Variants in MAF observed in about 807,000 individuals in gnomAD.
MAF encodes transcription factor Maf.
Under a neutral mutation model 22.0 loss-of-function variants are expected in MAF, and 10 were observed. That is an observed-to-expected ratio of 0.45 (90% CI 0.28 to 0.77). MAF has a LOEUF of 0.77. Ranked by LOEUF, MAF falls within the 30% of genes least tolerant of loss-of-function variation. The pLI is 0.12. For synonymous variants in MAF, 337 were observed against 255.8 expected (o/e 1.32, Z -3.03); for missense variants, 544 against 548.4 (o/e 0.99, Z 0.08).
chr16:79,598,726 G>T (rs1460884260), intron 1 of MAF, 59 bp downstream of exon 1: 3 of 1,609,894 alleles, frequency 1.9e-6, no homozygotes, highest in Non-Finnish European at 2.5e-6. Flanking sequence ...CCACACCCGA[G>T]CCGGACCCCC....
chr16:79,435,936 C>A, the MAF span, among the ~76,000 whole-genome samples: 1 of 152,162 alleles, frequency 6.6e-6, no homozygotes, highest in African/African-American at 2.4e-5. Flanking sequence ...TTGGAAAATT[C>A]ATTAGCAAGA....
the MAF span, among the ~76,000 whole-genome samples, chr16:79,470,555 G>C: frequency 6.6e-6 from 1 of 152,178 alleles, no homozygotes; most frequent in Non-Finnish European, 1.5e-5. Flanking sequence ...CTAAACAACA[G>C]CAGCCAACTC....
chr16:79,536,051 T>C, the MAF span, among the ~76,000 whole-genome samples: 2 of 152,202 alleles, frequency 1.3e-5, no homozygotes, highest in African/African-American at 2.4e-5. Context: ...ATGCAGACAA[T>C]AGGTGCTCAG....
the MAF span, among the ~76,000 whole-genome samples, chr16:79,371,745 C>A: frequency 3.3e-5 from 5 of 152,196 alleles, no homozygotes; most frequent in Admixed American, 6.5e-5. Context: ...ACCCAGGAAA[C>A]CCCTGTGCTT....
At chr16:79,520,155 G>A in the MAF span, among the ~76,000 whole-genome samples, 3 of 152,206 alleles carry the variant, frequency 2.0e-5, no homozygotes, top group Non-Finnish European at 4.4e-5. Context: ...CTCTGCTTCT[G>A]ACATCCCCTC....
chr16:79,463,238 C>T, the MAF span, among the ~76,000 whole-genome samples: 2 of 152,174 alleles, frequency 1.3e-5, no homozygotes, highest in African/African-American at 4.8e-5. Flanking sequence ...CACATAGAGC[C>T]ATGAAAGCTA....
chr16:79,401,012 G>A, the MAF span, among the ~76,000 whole-genome samples: 4 of 152,170 alleles, frequency 2.6e-5, no homozygotes, highest in African/African-American at 9.7e-5. Flanking sequence ...GACTCTGTCC[G>A]CTGATAAGGA....
At chr16:79,494,948 G>C in the MAF span, among the ~76,000 whole-genome samples, 1 of 152,090 alleles carries the variant, frequency 6.6e-6, no homozygotes, top group Non-Finnish European at 1.5e-5. Context: ...TTATTGTAAA[G>C]GGTGCAACTT....
chr16:79,207,828 T>C, the MAF span, among the ~76,000 whole-genome samples: 5 of 152,170 alleles, frequency 3.3e-5, no homozygotes, highest in African/African-American at 9.6e-5. Context: ...CAGAAACCTC[T>C]GTACCCTTTC....
the MAF span, among the ~76,000 whole-genome samples, chr16:79,324,183 G>A: frequency 2.0e-4 from 31 of 152,110 alleles, no homozygotes; most frequent in African/African-American, 7.5e-4. Context: ...ATGTGGGCAT[G>A]AGTAGCGCCC....
At chr16:79,204,955 T>G in the MAF span, 1 of 152,212 alleles carries the variant, frequency 6.6e-6, no homozygotes, top group Admixed American at 6.5e-5. Context: ...AACTTCTTAG[T>G]GCTCTTGCAA....
chr16:79,256,743 A>T, the MAF span, among the ~76,000 whole-genome samples: 1 of 152,198 alleles, frequency 6.6e-6, no homozygotes, highest in Non-Finnish European at 1.5e-5. Context: ...GAGATGCATG[A>T]TGCTAGGCAA....
At chr16:79,428,716 G>C in the MAF span, among the ~76,000 whole-genome samples, 2 of 152,022 alleles carry the variant, frequency 1.3e-5, no homozygotes, top group African/African-American at 2.4e-5. Flanking sequence ...GGCATGGTTT[G>C]TGCCTGTAGT....
At chr16:79,300,624 G>C in the MAF span, among the ~76,000 whole-genome samples, 1 of 149,904 alleles carries the variant, frequency 6.7e-6, no homozygotes, top group Admixed American at 6.6e-5. Context: ...TAGGGTTTTT[G>C]CAAGTTCCTA....
chr16:79,348,829 TA>T, the MAF span, among the ~76,000 whole-genome samples: 1 of 152,242 alleles, frequency 6.6e-6, no homozygotes, highest in Non-Finnish European at 1.5e-5. Context: ...TCAGGGCAGA[TA>T]TTCTGATCCA....
the MAF span, among the ~76,000 whole-genome samples, chr16:79,543,315 T>C: frequency 0.097 from 14,790 of 152,184 alleles, 794 homozygotes; most frequent in Middle Eastern, 0.16. Flanking sequence ...GAACTGGGGA[T>C]CAATCCCGGT....
At chr16:79,278,645 G>GAAAC in the MAF span, among the ~76,000 whole-genome samples, 3 of 152,048 alleles carry the variant, frequency 2.0e-5, no homozygotes, top group East Asian at 5.8e-4. Context: ...TAGCCTCCTT[G>GAAAC]AGTGCCGGGT....
the MAF span, among the ~76,000 whole-genome samples, chr16:79,219,769 C>T: frequency 6.6e-6 from 1 of 152,080 alleles, no homozygotes; most frequent in African/African-American, 2.4e-5. Context: ...GACTTCATTC[C>T]TACCGTGCTT....
At chr16:79,553,512 G>C in the MAF span, among the ~76,000 whole-genome samples, 1 of 152,242 alleles carries the variant, frequency 6.6e-6, no homozygotes. Context: ...CTTTGTCAAA[G>C]AGATGCCTCA....
Sources: allele counts gnomAD v4.1 joint callset (sites outside exome capture counted in the v4.1 genomes callset), GRCh38; gene constraint gnomAD v4.1.1; transcripts MANE v1.5; gene names NCBI Gene and HGNC (gene_info 2026-07-23, HGNC 2026-07-21).